The following RNF180 variants were observed in gnomAD, a reference collection of about 807,000 sequenced individuals.
The protein encoded by RNF180 is E3 ubiquitin-protein ligase RNF180.
In RNF180, 38 loss-of-function variants were observed where a neutral mutation model predicts 59.2. The ratio of observed to expected loss-of-function variants is 0.64; its 90% CI spans 0.50 to 0.84. The LOEUF is 0.84. Ranked by LOEUF, RNF180 falls within the 40% of genes least tolerant of loss-of-function variation. The pLI, the probability that RNF180 is intolerant of heterozygous loss-of-function variation, is 0.00. For missense variants in RNF180, 705 were observed against 700.9 expected (o/e 1.01, Z -0.07); for synonymous variants, 262 against 240.3 (o/e 1.09, Z -0.84).
At chr5:64,311,297 A>G (rs1318053934) in intron 5 of RNF180, among the ~76,000 whole-genome samples, 3 of 152,022 alleles carry the variant, frequency 2.0e-5, no homozygotes, top group Non-Finnish European at 4.4e-5. Flanking sequence ...CAAACTAAAT[A>G]CTAACCAAAC....
chr5:64,238,415 C>T (rs1313222811), intron 5 of RNF180, among the ~76,000 whole-genome samples: 2 of 152,138 alleles, frequency 1.3e-5, no homozygotes, highest in African/African-American at 4.8e-5. Context: ...ACCCTTTATA[C>T]TCTTCTCTAT....
At chr5:64,179,022 A>G (rs1452379529) in intron 1 of RNF180, among the ~76,000 whole-genome samples, 1 of 152,174 alleles carries the variant, frequency 6.6e-6, no homozygotes, top group Non-Finnish European at 1.5e-5. Context: ...ATTTTGACCC[A>G]GGTGTTGTTG....
At chr5:64,346,359 CT>C (rs1162054033) in intron 7 of RNF180, among the ~76,000 whole-genome samples, 776 of 42,938 alleles carry the variant, frequency 0.018, no homozygotes, top group African/African-American at 0.062. Context: ...TTCTTTTCTT[CT>C]TTTTTTTTTT....
chr5:64,212,617 A>G (rs934561676), intron 3 of RNF180, among the ~76,000 whole-genome samples: 2 of 152,192 alleles, frequency 1.3e-5, no homozygotes, highest in African/African-American at 2.4e-5. Context: ...ATTCATATGT[A>G]TACATATATA....
intron 7 of RNF180, among the ~76,000 whole-genome samples, chr5:64,343,989 T>G (rs1273058955): frequency 6.6e-6 from 1 of 151,580 alleles, no homozygotes; most frequent in Non-Finnish European, 1.5e-5. Context: ...TCAGTACCTA[T>G]TGATAAATCT....
intron 6 of RNF180, among the ~76,000 whole-genome samples, chr5:64,326,272 A>T (rs1007402461): frequency 1.3e-5 from 2 of 152,272 alleles, no homozygotes; most frequent in African/African-American, 4.8e-5. Context: ...AAAAAAAATT[A>T]TACTCAATTA....
chr5:64,207,625 G>A (rs1035255840), intron 2 of RNF180, among the ~76,000 whole-genome samples: 7 of 152,140 alleles, frequency 4.6e-5, no homozygotes, highest in African/African-American at 1.7e-4. Flanking sequence ...GTAATAGTGT[G>A]AAGAGTGAAT....
At chr5:64,206,942 G>A (rs777408686) in intron 2 of RNF180, among the ~76,000 whole-genome samples, 3 of 152,046 alleles carry the variant, frequency 2.0e-5, no homozygotes, top group Non-Finnish European at 4.4e-5. Context: ...TCAGTCTCTG[G>A]TATTTTGTGA....
intron 5 of RNF180, among the ~76,000 whole-genome samples, chr5:64,297,908 A>G (rs1742966856): frequency 6.6e-6 from 1 of 152,050 alleles, no homozygotes; most frequent in African/African-American, 2.4e-5. Flanking sequence ...TTCTCTTTTT[A>G]ACTTTTAAGT....
intron 7 of RNF180, among the ~76,000 whole-genome samples, chr5:64,363,630 A>G (rs531718081): frequency 6.6e-6 from 1 of 151,946 alleles, no homozygotes; most frequent in South Asian, 2.1e-4. Context: ...GAAGAATGTC[A>G]TTGGTAATTT....
At chr5:64,172,768 T>C (rs925160935) in intron 1 of RNF180, among the ~76,000 whole-genome samples, 1 of 152,150 alleles carries the variant, frequency 6.6e-6, no homozygotes, top group Non-Finnish European at 1.5e-5. Flanking sequence ...GAGGGTGTGC[T>C]CAAGTCTTGA....
chr5:64,237,618 A>G (rs1233313528), intron 5 of RNF180, among the ~76,000 whole-genome samples: 1 of 152,132 alleles, frequency 6.6e-6, no homozygotes, highest in African/African-American at 2.4e-5. Context: ...AGATTTGGGA[A>G]GGGCCAGAGG....
chr5:64,360,312 A>G (rs984378533), intron 7 of RNF180, among the ~76,000 whole-genome samples: 4 of 151,772 alleles, frequency 2.6e-5, no homozygotes, highest in African/African-American at 9.7e-5. Context: ...AAAGACAAAA[A>G]CCACATGATT....
chr5:64,256,702 T>C (rs1359429093), intron 5 of RNF180, among the ~76,000 whole-genome samples: 5 of 152,170 alleles, frequency 3.3e-5, no homozygotes, highest in Admixed American at 2.0e-4. Context: ...TTTGGTTCCA[T>C]ATGAAATTTA....
chr5:64,199,631 A>G (rs2112048210), intron 1 of RNF180, among the ~76,000 whole-genome samples: 1 of 152,352 alleles, frequency 6.6e-6, no homozygotes, highest in African/African-American at 2.4e-5. Flanking sequence ...TCTGGCACAT[A>G]GGTAGCTTTC....
At chr5:64,169,407 T>A (rs1749819675) in intron 1 of RNF180, among the ~76,000 whole-genome samples, 1 of 152,140 alleles carries the variant, frequency 6.6e-6, no homozygotes, top group African/African-American at 2.4e-5. Context: ...TTTCTTTGAG[T>A]TTTTATCATA....
At chr5:64,193,822 T>C (rs1751304075) in intron 1 of RNF180, among the ~76,000 whole-genome samples, 1 of 152,186 alleles carries the variant, frequency 6.6e-6, no homozygotes, top group African/African-American at 2.4e-5. Context: ...TTGCAAGGGC[T>C]TGACTTTTAC....
chr5:64,253,102 T>A (rs1260239873), intron 5 of RNF180, among the ~76,000 whole-genome samples: 1 of 152,054 alleles, frequency 6.6e-6, no homozygotes, highest in African/African-American at 2.4e-5. Flanking sequence ...AAGATTGTTG[T>A]CCTAGTCTAC....
At chr5:64,202,384 A>G (rs1603089) in intron 2 of RNF180, among the ~76,000 whole-genome samples, 7,484 of 152,074 alleles carry the variant, frequency 0.049, 613 homozygotes, top group African/African-American at 0.16. Context: ...CAGTTTATCA[A>G]TTTTTTTCTG....
Sources: gnomAD v4.1 joint callset for allele counts (sites outside exome capture counted in the v4.1 genomes callset) on GRCh38, gnomAD v4.1.1 for gene constraint, MANE v1.5 for transcripts, NCBI Gene and HGNC (gene_info 2026-07-23, HGNC 2026-07-21) for gene names.